The following WNK1 variants were observed in gnomAD, a reference collection of about 807,000 sequenced individuals.
The protein encoded by WNK1 is serine/threonine-protein kinase WNK1.
WNK1 carries 38 observed loss-of-function variants against 222.8 expected under a neutral mutation model. That is an observed-to-expected ratio of 0.17 (90% confidence interval 0.13 to 0.22). WNK1 has a LOEUF of 0.22. Ranked by LOEUF, WNK1 falls within the 10% of genes least tolerant of loss-of-function variation. The probability of loss-of-function intolerance (pLI) is 1.00; values close to 1 mark genes in which losing one functional copy is unlikely to be tolerated. For synonymous variants in WNK1, 1,090 were observed against 1,092.9 expected (o/e 1.00, Z 0.05); for missense variants, 2,348 against 2,918.4 (o/e 0.80, Z 4.50).
chr12:902,394 T>C (rs1307891669), intron 26 of WNK1, among the ~76,000 whole-genome samples: 1 of 152,174 alleles, frequency 6.6e-6, no homozygotes, highest in Non-Finnish European at 1.5e-5. Flanking sequence ...TTTTTTCCAT[T>C]CTTTGTCAGA....
At chr12:899,946 C>T (rs1955096358) in intron 25 of WNK1, among the ~76,000 whole-genome samples, 1 of 151,722 alleles carries the variant, frequency 6.6e-6, no homozygotes. Flanking sequence ...GACATGTGGC[C>T]CATCTAGGTT....
chr12:809,077 AT>A (rs1946662753), intron 1 of WNK1, among the ~76,000 whole-genome samples: 1 of 151,724 alleles, frequency 6.6e-6, no homozygotes, highest in Non-Finnish European at 1.5e-5. Context: ...TATCTCTCTT[AT>A]AAGTAGACTT....
At chr12:760,789 G>A (rs976680786) in intron 1 of WNK1, among the ~76,000 whole-genome samples, 1 of 145,780 alleles carries the variant, frequency 6.9e-6, no homozygotes, top group African/African-American at 2.5e-5. Flanking sequence ...TGTTTTTGAT[G>A]GGGTCTTGCT....
At position 863,163 on chromosome 12, in the gene WNK1, CAGAA is replaced by C. The variant is rs149060438; in HGVS notation, c.2139+896_2139+899del. Among the ~76,000 whole-genome samples, 446 of 152,290 alleles carry C rather than the reference CAGAA, an allele frequency of 2.9e-3. 14 individuals carry two copies. The East Asian group carries it at 0.071, about 24-fold the overall frequency. On this transcript the variant is annotated intron_variant, in intron 8 of 27. Transcript: ENST00000315939. ...TTAAGCAGACAGATTTTCCCCTTCT[CAGAA>C]AGCTTTTAATCTAAACTTTGTGGAA...
In WNK1 at chr12:908,861, G is replaced by GCCA; in HGVS notation, c.*69_*70insCCA. On this transcript the variant is annotated 3_prime_UTR_variant, in exon 28 of 28. Coordinates refer to ENST00000315939, the MANE Select transcript of WNK1 (RefSeq NM_018979.4). ...ATGCTGAGGGGGTGGGTGGGGGTGG[G>GCCA]AAGTAGCCTATATACTAACTACTAG... The GCCA allele has an allele frequency of 4.1e-6, 2 of 491,844 alleles. No individual in the cohort carries two copies. The highest frequency in any genetic ancestry group is 4.1e-6 in the Non-Finnish European group (1 of 241,770). 30.5% of individuals were successfully genotyped at this position (491,844 alleles called of 1,614,324 possible). A position where few individuals can be genotyped will look rare whatever the true frequency, so the allele number is the denominator to read the frequency against.
intron 7 of WNK1, 102 bp from the exon 8 acceptor site, chr12:861,981 T>C: frequency 7.8e-7 from 1 of 1,276,052 alleles, no homozygotes; most frequent in East Asian, 2.4e-5. Flanking sequence ...GAATAACTAG[T>C]TACCCCTAAT....
intron 4 of WNK1, among the ~76,000 whole-genome samples, chr12:848,675 G>C (rs1482589207): frequency 6.6e-6 from 1 of 151,846 alleles, no homozygotes; most frequent in African/African-American, 2.4e-5. Flanking sequence ...GATGACTAAG[G>C]TTTCTTCTCT....
chr12:910,103 T>A lies in WNK1; in HGVS notation c.*1311T>A, dbSNP rs1402546251. 1 of 147,494 alleles carries A rather than the reference T, an allele frequency of 6.8e-6. No individual in the cohort carries two copies. Among genetic ancestry groups the A allele is most frequent in the Admixed American group, 6.9e-5 (1 of 14,468 alleles). 9.1% of individuals were successfully genotyped at this position (147,494 alleles called of 1,614,324 possible). On this transcript the variant is annotated 3_prime_UTR_variant, in exon 28 of 28. Coordinates refer to ENST00000315939, the MANE Select transcript of WNK1 (RefSeq NM_018979.4). ...GAGCTAGGCTTGAACAGACGTGACCTAGAAGAAACTGAACATAAAGAGAAG... is the reference window on the plus strand; with the variant it reads ...GAGCTAGGCTTGAACAGACGTGACCAAGAAGAAACTGAACATAAAGAGAAG...
intron 1 of WNK1, among the ~76,000 whole-genome samples, chr12:757,142 A>G (rs1940174564): frequency 3.3e-5 from 5 of 152,028 alleles, no homozygotes; most frequent in Admixed American, 3.3e-4. Context: ...TACCCATGGC[A>G]AATTTCAGGC....
Position 879,899 on chromosome 12 carries a change from G to A in WNK1, c.2700G>A (p.Leu900=). The A allele has an allele frequency of 1.9e-6, 3 of 1,614,090 alleles. No individual in the cohort carries two copies. Among genetic ancestry groups the A allele is most frequent in the Non-Finnish European group, 2.5e-6 (3 of 1,179,992 alleles). ...TVVPSQLPTL[L]QPVTQLPSQV... is the part of the protein sequence containing the mutation. Reference sequence around the variant, plus strand: ...TTCCTAGTCAGCTTCCAACCCTTCTGCAGCCTGTGACTCAGCTGCCAAGTC... The same window carrying A: ...TTCCTAGTCAGCTTCCAACCCTTCTACAGCCTGTGACTCAGCTGCCAAGTC... Residue 900 remains leucine, a synonymous_variant, in exon 11 of 28, where the codon CTG becomes CTA. Transcript: ENST00000315939.
intron 6 of WNK1, 23 bp from the exon 7 acceptor site, chr12:860,990 T>A: frequency 6.2e-7 from 1 of 1,610,590 alleles, no homozygotes; most frequent in Non-Finnish European, 8.5e-7. Context: ...TACTACTGCT[T>A]AATTTACCCT....
chr12:789,026 C>T lies in WNK1; in HGVS notation c.760-24616C>T, dbSNP rs569264282. 9.2e-5 allele frequency among the ~76,000 whole-genome samples: 14 copies of T among 152,252 alleles called. 1 individual carries two copies. The highest frequency in any genetic ancestry group is 3.1e-4 in the African/African-American group (13 of 41,524). ...TCTCAAATGTGAAGGCCACATGCTTCCTTCAATTAAGGCATAATAATGAAA... is the reference window on the plus strand; with the variant it reads ...TCTCAAATGTGAAGGCCACATGCTTTCTTCAATTAAGGCATAATAATGAAA... On this transcript the variant is annotated intron_variant, in intron 1 of 27. Transcript: ENST00000315939.
intron 2 of WNK1, among the ~76,000 whole-genome samples, chr12:821,042 G>GTTTT (rs60880879): frequency 1.9e-3 from 149 of 79,074 alleles, no homozygotes; most frequent in Non-Finnish European, 2.4e-3. Context: ...AGTTTCTTGA[G>GTTTT]TTTTTTTTTT....
chr12:899,170 G>A (rs773682696), intron 25 of WNK1, among the ~76,000 whole-genome samples: 1 of 152,212 alleles, frequency 6.6e-6, no homozygotes, highest in African/African-American at 2.4e-5. Flanking sequence ...AAACTTCTTA[G>A]CAGTTCCATT....
chr12:807,711 C>CTTTTTT (rs869122990), intron 1 of WNK1, among the ~76,000 whole-genome samples: 3 of 78,776 alleles, frequency 3.8e-5, no homozygotes, highest in African/African-American at 1.4e-4. Context: ...AGCAATAATT[C>CTTTTTT]TTTTTTTTTT....
chr12:883,656 C>T (rs1285059530), intron 16 of WNK1, 88 bp downstream of exon 16: 2 of 1,596,512 alleles, frequency 1.3e-6, no homozygotes, highest in Non-Finnish European at 1.7e-6. Context: ...CCAGTGATAT[C>T]ACCTGACACC....
intron 1 of WNK1, among the ~76,000 whole-genome samples, chr12:774,024 T>C (rs1362342246): frequency 6.6e-6 from 1 of 152,188 alleles, no homozygotes; most frequent in African/African-American, 2.4e-5. Flanking sequence ...GGCCATTATT[T>C]CCCTGCACAA....
chr12:795,297 T>C (rs548687797), intron 1 of WNK1, among the ~76,000 whole-genome samples: 1 of 38,070 alleles, frequency 2.6e-5, no homozygotes, highest in East Asian at 4.6e-3. Flanking sequence ...TTTTCCGTTG[T>C]TTTTTTTTTT....
intron 1 of WNK1, among the ~76,000 whole-genome samples, chr12:770,213 A>G (rs1177683888): frequency 1.3e-5 from 2 of 152,140 alleles, no homozygotes; most frequent in African/African-American, 2.4e-5. Context: ...ACCTCAGGTG[A>G]TCCACCTGCC....
Sources: gnomAD v4.1 joint callset for allele counts (sites outside exome capture counted in the v4.1 genomes callset) on GRCh38, gnomAD v4.1.1 for gene constraint, MANE v1.5 for transcripts, NCBI Gene and HGNC (gene_info 2026-07-23, HGNC 2026-07-21) for gene names.